The following RGS7 variants were observed in gnomAD, a reference collection of about 807,000 sequenced individuals.
RGS7 encodes regulator of G protein signaling 7.
Under a neutral mutation model 81.1 loss-of-function variants are expected in RGS7, and 27 were observed. The observed-to-expected ratio is 0.33, with a 90% CI of 0.25 to 0.46. The LOEUF is 0.46. Among genes scored for constraint, RGS7 ranks in the 20% least tolerant of loss-of-function variants. The pLI, the probability that RGS7 is intolerant of heterozygous loss-of-function variation, is 1.00. For synonymous variants in RGS7, 208 were observed against 207.7 expected, an observed-to-expected ratio of 1.00 and a Z score of -0.01; for missense variants, 396 against 607.4, an observed-to-expected ratio of 0.65 and a Z score of 3.66.
chr1:240,933,012 T>A (rs1019601257), intron 5 of RGS7, among the ~76,000 whole-genome samples: 2 of 147,178 alleles, frequency 1.4e-5, no homozygotes, highest in Non-Finnish European at 3.0e-5. Context: ...GCCTCCCGAG[T>A]AGCTGGGACT....
At chr1:241,154,698 A>G (rs1160031661) in intron 2 of RGS7, among the ~76,000 whole-genome samples, 1 of 152,236 alleles carries the variant, frequency 6.6e-6, no homozygotes. Flanking sequence ...TAAAATCTGA[A>G]AACTCAAACT....
chr1:241,085,924 A>C (rs2063409594), intron 3 of RGS7, among the ~76,000 whole-genome samples: 1 of 152,176 alleles, frequency 6.6e-6, no homozygotes. Context: ...AGCGGTCTTT[A>C]TGGTTCCCCA....
intron 6 of RGS7, among the ~76,000 whole-genome samples, chr1:240,882,303 C>T (rs1252870698): frequency 6.6e-6 from 1 of 152,102 alleles, no homozygotes; most frequent in African/African-American, 2.4e-5. Context: ...TGGCCAGGAA[C>T]TATTAATAGG....
chr1:240,827,129 G>C lies in RGS7; in HGVS notation c.653C>G (p.Ser218Cys), dbSNP rs1692973347. The C allele has an allele frequency of 1.2e-6, 2 of 1,613,892 alleles. No homozygotes were observed. The highest frequency in any genetic ancestry group is 1.7e-6 in the Non-Finnish European group (2 of 1,179,770). Residue 218 changes from serine (S) to cysteine (C), a missense_variant, in exon 10 of 19, where the codon TCC (serine) becomes TGC (cysteine). Ser to Cys is a moderately radical substitution (Grantham distance 112, BLOSUM62 -1). Transcript: ENST00000440928. ...TGTTTTGTGGGGGTTTCTCATTCTG[G>C]ATGACTTCTTAATGTCCACTTCAGT... The part of the protein sequence containing the change: ...NTTEVDIKKS[S>C]RMRNPHKTRK...
rs540562587 is a variant in RGS7 at position 241,173,007 on chromosome 1, A to AT, written c.79-74246dup. ...AGGAAAGCATAGAGCAGCTATTGCA[A>AT]TTTTTTTTAAAGACATGATTAGACC... On this transcript the variant is annotated intron_variant, in intron 2 of 18. Coordinates refer to ENST00000440928, the MANE Select transcript of RGS7 (RefSeq NM_001364886.1). 2.8e-4 allele frequency among the ~76,000 whole-genome samples: 42 copies of AT among 152,218 alleles called. 1 individual carries two copies. The East Asian group carries it at 7.3e-3, about 27-fold the overall frequency.
chr1:241,214,059 C>T (rs1364219220), intron 2 of RGS7, among the ~76,000 whole-genome samples: 1 of 152,140 alleles, frequency 6.6e-6, no homozygotes, highest in Non-Finnish European at 1.5e-5. Flanking sequence ...GCCACCATGC[C>T]CAGCAAGAAA....
At chr1:241,008,963 AAGAC>A (rs1160032694) in intron 3 of RGS7, among the ~76,000 whole-genome samples, 2 of 151,820 alleles carry the variant, frequency 1.3e-5, no homozygotes, top group Admixed American at 6.6e-5. Context: ...ATTCAGTCAT[AAGAC>A]AGACAGCTAT....
At chr1:240,901,033 C>T (rs531672329) in intron 6 of RGS7, among the ~76,000 whole-genome samples, 10 of 152,264 alleles carry the variant, frequency 6.6e-5, no homozygotes, top group South Asian at 2.1e-4. Context: ...CCTTGCAGTT[C>T]GATCTCAGAC....
chr1:240,936,588 T>G lies in RGS7; in HGVS notation c.333+12A>C. The stretch of plus-strand genomic sequence containing the variant: ...CTAGTTTACTGTTAAAGAACATTTC[T>G]AATAAACTTACTTGAAACCGGTAAA... On this transcript the variant is annotated intron_variant, in intron 5 of 18. Coordinates refer to ENST00000440928, the MANE Select transcript of RGS7 (RefSeq NM_001364886.1). 2 of 1,594,840 alleles carry G rather than the reference T, an allele frequency of 1.3e-6. No individual in the cohort carries two copies. Among genetic ancestry groups the G allele is most frequent in the Non-Finnish European group, 1.7e-6 (2 of 1,162,414 alleles).
At chr1:240,906,480 A>G (rs762021712) in intron 6 of RGS7, among the ~76,000 whole-genome samples, 9 of 152,208 alleles carry the variant, frequency 5.9e-5, no homozygotes, top group Admixed American at 1.3e-4. Context: ...GTATAACCTA[A>G]GCAAAGACAT....
At chr1:241,241,387 C>T (rs2076251119) in intron 2 of RGS7, among the ~76,000 whole-genome samples, 1 of 151,924 alleles carries the variant, frequency 6.6e-6, no homozygotes, top group Non-Finnish European at 1.5e-5. Context: ...CTAGTGCTAG[C>T]AATGCCTTAA....
chr1:241,088,720 T>G (rs181351956), intron 3 of RGS7, among the ~76,000 whole-genome samples: 29 of 152,076 alleles, frequency 1.9e-4, no homozygotes, highest in African/African-American at 4.6e-4. Context: ...TTTTGTTATC[T>G]TAATTAGTAA....
intron 2 of RGS7, among the ~76,000 whole-genome samples, chr1:241,350,858 CACT>C (rs2083204784): frequency 6.6e-6 from 1 of 152,038 alleles, no homozygotes; most frequent in South Asian, 2.1e-4. Flanking sequence ...CTGACAAACC[CACT>C]GAGTTAATGT....
At chr1:240,878,892 C>T (rs1665922587) in intron 6 of RGS7, among the ~76,000 whole-genome samples, 2 of 152,158 alleles carry the variant, frequency 1.3e-5, no homozygotes, top group South Asian at 4.1e-4. Context: ...AGTCATATCC[C>T]TATTACTAAA....
chr1:240,807,413 C>G (rs915636827), intron 14 of RGS7, among the ~76,000 whole-genome samples: 1 of 152,176 alleles, frequency 6.6e-6, no homozygotes, highest in Non-Finnish European at 1.5e-5. Flanking sequence ...GCCACAGAGA[C>G]AGCAAACTTC....
intron 4 of RGS7, among the ~76,000 whole-genome samples, chr1:240,959,834 A>C (rs930859490): frequency 2.0e-5 from 3 of 152,154 alleles, no homozygotes; most frequent in Non-Finnish European, 4.4e-5. Flanking sequence ...TTTAAAATAC[A>C]AGTTCACGCT....
At chr1:240,852,965 G>A (rs1289769990) in intron 9 of RGS7, among the ~76,000 whole-genome samples, 1 of 152,154 alleles carries the variant, frequency 6.6e-6, no homozygotes, top group Non-Finnish European at 1.5e-5. Context: ...ACCCTTGTCA[G>A]TGTGTGTTAA....
intron 4 of RGS7, among the ~76,000 whole-genome samples, chr1:240,972,722 AC>A (rs145021465): frequency 0.034 from 4,788 of 139,596 alleles, 268 homozygotes; most frequent in African/African-American, 0.12. Flanking sequence ...AAAAAAAAAA[AC>A]CCAAAAAGGT....
chr1:240,785,278 C>T (rs980152397), intron 18 of RGS7, among the ~76,000 whole-genome samples: 8 of 152,162 alleles, frequency 5.3e-5, no homozygotes, highest in African/African-American at 1.9e-4. Context: ...CTGCTCTCTC[C>T]GCTGGTCACC....
Sources: allele counts gnomAD v4.1 joint callset (sites outside exome capture counted in the v4.1 genomes callset), GRCh38; gene constraint gnomAD v4.1.1; transcripts MANE v1.5; gene names NCBI Gene and HGNC (gene_info 2026-07-23, HGNC 2026-07-21).